TLN2: variants seen among roughly 807,000 people sequenced by gnomAD.
TLN2 encodes talin-2.
TLN2 carries 118 observed loss-of-function variants against 294.7 expected under a neutral mutation model. The observed-to-expected ratio is 0.40, with a 90% confidence interval of 0.34 to 0.47. TLN2 has a LOEUF of 0.47. Ranked by LOEUF, TLN2 falls within the 20% of genes least tolerant of loss-of-function variation. The pLI is 0.84. For missense variants in TLN2, 3,083 were observed against 3,282.2 expected (o/e 0.94, Z 1.48); for synonymous variants, 1,431 against 1,304.5 (o/e 1.10, Z -2.09).
chr15:62,458,544 A>T (rs895526897), intron 1 of TLN2, among the ~76,000 whole-genome samples: 1 of 150,692 alleles, frequency 6.6e-6, no homozygotes, highest in African/African-American at 2.4e-5. Flanking sequence ...AAGATACTTG[A>T]TTAAGAAGTA....
intron 1 of TLN2, among the ~76,000 whole-genome samples, chr15:62,539,485 G>A (rs1462124350): frequency 2.0e-5 from 3 of 152,306 alleles, no homozygotes; most frequent in African/African-American, 7.2e-5. Context: ...CCAGAGATTA[G>A]AGGTCTATAG....
At chr15:62,465,101 C>A (rs534915271) in intron 1 of TLN2, among the ~76,000 whole-genome samples, 2 of 112,618 alleles carry the variant, frequency 1.8e-5, no homozygotes, top group Non-Finnish European at 3.5e-5. Context: ...TTGTGGTGAG[C>A]GCGTTTTTTT....
Position 62,514,941 on chromosome 15 carries a change from G to A in TLN2, c.-237-74746G>A, listed in dbSNP as rs16945200. 7.4e-3 allele frequency among the ~76,000 whole-genome samples: 1,130 copies of A among 152,218 alleles called. 10 individuals carry two copies. Among genetic ancestry groups the A allele is most frequent in the South Asian group, 0.033 (158 of 4,816 alleles). On this transcript the variant is annotated intron_variant, in intron 1 of 58. Coordinates refer to ENST00000636159, the MANE Select transcript of TLN2 (RefSeq NM_015059.3). Reference sequence around the variant, plus strand: ...ATAACTCACTTACACCAAGGAGAGCGGAAATGTAAGTCTGGAACATTTTGT... The same window carrying A: ...ATAACTCACTTACACCAAGGAGAGCAGAAATGTAAGTCTGGAACATTTTGT...
At chr15:62,693,342 A>T (rs753628112) in intron 13 of TLN2, among the ~76,000 whole-genome samples, 14 of 152,224 alleles carry the variant, frequency 9.2e-5, no homozygotes, top group Non-Finnish European at 1.5e-4. Flanking sequence ...AAAAAAAAAC[A>T]ACAAAACTTG....
intron 3 of TLN2, among the ~76,000 whole-genome samples, chr15:62,646,203 C>T (rs962499552): frequency 6.6e-6 from 1 of 151,768 alleles, no homozygotes; most frequent in Non-Finnish European, 1.5e-5. Context: ...TGCTCTGTTG[C>T]CCAGGCTGGA....
In TLN2 at chr15:62,657,156, G is replaced by GT. The variant is rs960248164; in HGVS notation, c.661-615_661-614insT. 6.6e-5 allele frequency among the ~76,000 whole-genome samples: 10 copies of GT among 151,330 alleles called. No individual in the cohort carries two copies. In the East Asian group the frequency reaches 7.8e-4, roughly 12 times the overall value. On this transcript the variant is annotated intron_variant, in intron 8 of 58. Coordinates refer to ENST00000636159, the MANE Select transcript of TLN2 (RefSeq NM_015059.3). ...GAGAAAGGAAAGGCTGAAAAGGTGG[G>GT]GGGGGGAAGCAACAGCAGTGATGGA...
chr15:62,747,696 T>C (rs1034109009), intron 32 of TLN2, among the ~76,000 whole-genome samples: 1 of 152,200 alleles, frequency 6.6e-6, no homozygotes, highest in Non-Finnish European at 1.5e-5. Context: ...CACCGACCCC[T>C]GCACAGTCAA....
rs146439582 is a variant in TLN2, at chr15:62,437,452, C to T, written c.-238+46767C>T. Reference sequence around the variant, plus strand: ...TAGTCACAGGATCTCACAATGCTGCCCAGGCTGGTCGTGAACTCCTGGCCC... The same window carrying T: ...TAGTCACAGGATCTCACAATGCTGCTCAGGCTGGTCGTGAACTCCTGGCCC... On this transcript the variant is annotated intron_variant, in intron 1 of 58. Transcript: ENST00000636159. Among the ~76,000 whole-genome samples the T allele has an allele frequency of 2.4e-3, 370 of 152,154 alleles. 1 individual carries two copies. Among genetic ancestry groups the T allele is most frequent in the Non-Finnish European group, 4.1e-3 (280 of 67,992 alleles).
At chr15:62,812,294 C>T (rs895858910) in intron 52 of TLN2, among the ~76,000 whole-genome samples, 1 of 152,098 alleles carries the variant, frequency 6.6e-6, no homozygotes, top group East Asian at 1.9e-4. Context: ...TTAGTTGAAC[C>T]GTATTTTCTC....
chr15:62,838,611 G>GAGTATTCCTTGGGGGTATTCCTC (rs2070116913), intron 57 of TLN2, among the ~76,000 whole-genome samples: 1 of 152,184 alleles, frequency 6.6e-6, no homozygotes, highest in Non-Finnish European at 1.5e-5. Context: ...CCTCAAAAAT[G>GAGTATTCCTTGGGGGTATTCCTC]AGTATTCCTT....
intron 43 of TLN2, among the ~76,000 whole-genome samples, chr15:62,777,476 C>T (rs1017681498): frequency 1.0e-4 from 15 of 148,914 alleles, no homozygotes; most frequent in African/African-American, 1.5e-4. Context: ...GCAGAGGTTG[C>T]GGTGAGCTGA....
At chr15:62,453,148 A>C (rs2036252572) in intron 1 of TLN2, among the ~76,000 whole-genome samples, 1 of 152,186 alleles carries the variant, frequency 6.6e-6, no homozygotes, top group Non-Finnish European at 1.5e-5. Context: ...AGTGGTGAAC[A>C]CACAATAAAG....
chr15:62,419,733 C>T (rs1169879788), intron 1 of TLN2, among the ~76,000 whole-genome samples: 1 of 151,960 alleles, frequency 6.6e-6, no homozygotes, highest in Non-Finnish European at 1.5e-5. Context: ...ACCTGCTGGG[C>T]TCAAGCTGTC....
chr15:62,470,626 T>G (rs2037415693), intron 1 of TLN2, among the ~76,000 whole-genome samples: 1 of 152,110 alleles, frequency 6.6e-6, no homozygotes, highest in African/African-American at 2.4e-5. Flanking sequence ...GCTGGGCAGG[T>G]GAGAATGGTA....
intron 54 of TLN2, among the ~76,000 whole-genome samples, chr15:62,825,807 AT>A (rs1349041451): frequency 0.054 from 224 of 4,122 alleles, 35 homozygotes; most frequent in African/African-American, 0.094. Flanking sequence ...TATATTATAT[AT>A]TATATTATAA....
At chr15:62,793,716 C>T (rs1226147837) in intron 46 of TLN2, among the ~76,000 whole-genome samples, 1 of 152,020 alleles carries the variant, frequency 6.6e-6, no homozygotes, top group African/African-American at 2.4e-5. Context: ...AATCATTTTT[C>T]AGGTCAGCTG....
intron 1 of TLN2, chr15:62,476,358 T>C (rs2037783542): frequency 1.3e-5 from 2 of 152,322 alleles, no homozygotes; most frequent in Non-Finnish European, 2.9e-5. Context: ...TGGACTGGCC[T>C]CCTTGTCCCT....
At chr15:62,721,241 T>C (rs2060129208) in intron 25 of TLN2, among the ~76,000 whole-genome samples, 1 of 152,262 alleles carries the variant, frequency 6.6e-6, no homozygotes. Context: ...AACATTGCTC[T>C]TCCAGGAGGT....
intron 3 of TLN2, among the ~76,000 whole-genome samples, chr15:62,623,117 T>G (rs1032315572): frequency 2.0e-5 from 3 of 152,210 alleles, no homozygotes; most frequent in African/African-American, 7.2e-5. Context: ...GAATGGGCAG[T>G]GGAGATTTTA....
Sources: allele counts gnomAD v4.1 joint callset (sites outside exome capture counted in the v4.1 genomes callset), GRCh38; gene constraint gnomAD v4.1.1; transcripts MANE v1.5; gene names NCBI Gene and HGNC (gene_info 2026-07-23, HGNC 2026-07-21).